INPP5D: variants seen among roughly 807,000 people sequenced by gnomAD.
INPP5D encodes inositol polyphosphate-5-phosphatase D.
INPP5D carries 33 observed loss-of-function variants against 122.9 expected under a neutral mutation model. The ratio of observed to expected loss-of-function variants is 0.27; its 90% CI spans 0.20 to 0.36. INPP5D has a LOEUF of 0.36. INPP5D is among the 10% of genes least tolerant of loss of function. The pLI, the probability that INPP5D is intolerant of heterozygous loss-of-function variation, is 1.00. For missense variants in INPP5D, 1,053 were observed against 1,412.7 expected (o/e 0.75, Z 4.08); for synonymous variants, 584 against 576.2 (o/e 1.01, Z -0.19).
chr2:233,091,973 T>C (rs1692005398), intron 2 of INPP5D, among the ~76,000 whole-genome samples: 1 of 152,118 alleles, frequency 6.6e-6, no homozygotes, highest in Non-Finnish European at 1.5e-5. Flanking sequence ...AAGGAGTAAA[T>C]TTGCAATACA....
Position 233,127,290 on chromosome 2 carries a change from G to A in INPP5D, c.524+1371G>A, listed in dbSNP as rs564093820. 5.9e-5 allele frequency among the ~76,000 whole-genome samples: 9 copies of A among 152,286 alleles called. No individual in the cohort carries two copies. In the East Asian group the frequency reaches 1.5e-3, roughly 26 times the overall value. ...TGGAACCTTCCTAAAACTTCTGTTCGGAGATGGGAATGAGTGAAGGGGGCA... is the reference window on the plus strand; with the variant it reads ...TGGAACCTTCCTAAAACTTCTGTTCAGAGATGGGAATGAGTGAAGGGGGCA... On this transcript the variant is annotated intron_variant, in intron 4 of 26. Transcript: ENST00000445964.
intron 13 of INPP5D, among the ~76,000 whole-genome samples, chr2:233,165,375 T>C (rs950206365): frequency 6.6e-6 from 1 of 152,010 alleles, no homozygotes; most frequent in Non-Finnish European, 1.5e-5. Flanking sequence ...TGTGAGTCCA[T>C]GCATGTGTGT....
intron 2 of INPP5D, among the ~76,000 whole-genome samples, chr2:233,083,367 G>C (rs578097664): frequency 6.6e-6 from 1 of 152,324 alleles, no homozygotes; most frequent in South Asian, 2.1e-4. Flanking sequence ...TCAGGGACCT[G>C]AGTACGCTCT....
chr2:233,121,488 T>C (rs1363704354), intron 2 of INPP5D, among the ~76,000 whole-genome samples: 1 of 147,232 alleles, frequency 6.8e-6, no homozygotes, highest in Non-Finnish European at 1.5e-5. Context: ...ATAATATAAA[T>C]GTACTATTTG....
chr2:233,108,058 C>T (rs1269111951), intron 2 of INPP5D, among the ~76,000 whole-genome samples: 1 of 152,138 alleles, frequency 6.6e-6, no homozygotes, highest in Non-Finnish European at 1.5e-5. Context: ...TCTCAGTCCA[C>T]CATAGCCCCA....
intron 2 of INPP5D, among the ~76,000 whole-genome samples, chr2:233,107,372 G>A (rs1173774408): frequency 6.6e-6 from 1 of 152,176 alleles, no homozygotes; most frequent in African/African-American, 2.4e-5. Context: ...CACAGGGAAT[G>A]TAGACCTCCC....
chr2:233,184,530 C>T lies in INPP5D; in HGVS notation c.2275+9C>T, dbSNP rs770616002. 2 of 1,613,872 alleles carry T rather than the reference C, an allele frequency of 1.2e-6. No individual in the cohort carries two copies. The highest frequency in any genetic ancestry group is 1.7e-5 in the Admixed American group (1 of 60,014). On this transcript the variant is annotated intron_variant, in intron 20 of 26. Coordinates refer to ENST00000445964, the MANE Select transcript of INPP5D (RefSeq NM_001017915.3). ...CTCGAGCTGCTTGGAGAGTAAGTGG[C>T]TGCTGAGCCACCTTCTGGGCAGAAC...
rs1293408545 is a variant in INPP5D at position 233,188,050 on chromosome 2, G to C, written c.2359-1800G>C. Reference sequence around the variant, plus strand: ...CTCAGTCCCCCTGCCCCCTCCCAGGGGGTCCACTCCTCCTGTCTCCTGCCT... The same window carrying C: ...CTCAGTCCCCCTGCCCCCTCCCAGGCGGTCCACTCCTCCTGTCTCCTGCCT... On this transcript the variant is annotated intron_variant, in intron 21 of 26. Coordinates refer to ENST00000445964, the MANE Select transcript of INPP5D (RefSeq NM_001017915.3). The surrounding 1 kb of genome is among the most constrained non-coding windows in gnomAD (Gnocchi z 4.7). Among the ~76,000 whole-genome samples, 2 of 151,896 alleles carry C rather than the reference G, an allele frequency of 1.3e-5. No homozygotes were observed. The highest frequency in any genetic ancestry group is 2.9e-5 in the Non-Finnish European group (2 of 67,938).
intron 5 of INPP5D, chr2:233,131,128 TA>T: frequency 2.0e-6 from 2 of 977,490 alleles, no homozygotes; most frequent in Non-Finnish European, 1.2e-6. Flanking sequence ...ACCAAAACTT[TA>T]ATTTTCTGAT....
chr2:233,069,259 C>T (rs1386670548), intron 1 of INPP5D, among the ~76,000 whole-genome samples: 4 of 152,122 alleles, frequency 2.6e-5, no homozygotes, highest in South Asian at 2.1e-4. Flanking sequence ...GGGACCTCCC[C>T]GGAGCAGAGA....
At position 233,204,537 on chromosome 2, in the gene INPP5D, C is replaced by T. The variant is rs1314103156; in HGVS notation, c.3387C>T (p.Ile1129=). 1 of 1,578,766 alleles carries T rather than the reference C, an allele frequency of 6.3e-7. No homozygotes were observed. Among genetic ancestry groups the T allele is most frequent in the East Asian group, 2.3e-5 (1 of 42,638 alleles). ...KRPIKPSRSE[I]NQQTPPTPTP... ...CCATCAAGCCTTCCAGATCGGAAAT[C>T]AACCAGCAGACCCCGCCCACCCCGA... The change falls in exon 26 of 27, where the codon ATC becomes ATT. Residue 1129 remains isoleucine, a synonymous_variant. Coordinates refer to ENST00000445964, the MANE Select transcript of INPP5D (RefSeq NM_001017915.3).
At chr2:233,094,541 A>AAAAAAAAAAAAAAC (rs1692081928) in intron 2 of INPP5D, among the ~76,000 whole-genome samples, 1 of 146,350 alleles carries the variant, frequency 6.8e-6, no homozygotes. Flanking sequence ...AAAAAAAAAA[A>AAAAAAAAAAAAAAC]ATTCTAAAAT....
rs201032928 is a variant in INPP5D at position 233,204,281 on chromosome 2, G to A, written c.3131G>A (p.Arg1044Gln). The A allele has an allele frequency of 1.4e-4, 230 of 1,613,280 alleles. No individual in the cohort carries two copies. Among genetic ancestry groups the A allele is most frequent in the Admixed American group, 2.5e-4 (15 of 60,002 alleles). ...GACCAGGAATCCCCCAAAATGCCGC[G>A]GAAGGAACCCCCGCCCTGCCCGGAA... ...RKDQESPKMP[R>Q]KEPPPCPEPG... The change falls in exon 26 of 27, where the codon CGG becomes CAG. Residue 1044 changes from arginine (R) to glutamine (Q), a missense_variant. By Grantham distance (43) the Arg-to-Gln change is conservative. Coordinates refer to ENST00000445964, the MANE Select transcript of INPP5D (RefSeq NM_001017915.3).
rs547795957 is a variant in INPP5D, at chr2:233,100,122, C to T, written c.198+20724C>T. 2.0e-5 allele frequency among the ~76,000 whole-genome samples: 3 copies of T among 152,310 alleles called. No individual in the cohort carries two copies. Among genetic ancestry groups the T allele is most frequent in the Admixed American group, 1.3e-4 (2 of 15,298 alleles). The stretch of plus-strand genomic sequence containing the variant: ...TCAAGATGAGATTTGGGTGGGGACA[C>T]AGTCAAACCATATCAGAGTGGAAGC... On this transcript the variant is annotated intron_variant, in intron 2 of 26. Transcript: ENST00000445964. The surrounding 1 kb of genome is among the most constrained non-coding windows in gnomAD (Gnocchi z 5.3).
chr2:233,193,876 C>T lies in INPP5D; in HGVS notation c.2511C>T (p.Leu837=), dbSNP rs201023596. 7.2e-5 allele frequency: 117 copies of T among 1,613,892 alleles called. No homozygotes were observed. In the African/African-American group the frequency reaches 1.4e-3, roughly 20 times the overall value. ...CGCAGCTGCCCATCTACACGCCTCT[C>T]ACCCACCATGGGGAGTTGACAGGCC... ...TETQLPIYTP[L]THHGELTGHF... Residue 837 remains leucine (L), a synonymous_variant, in exon 23 of 27, where the codon CTC becomes CTT. Coordinates refer to ENST00000445964, the MANE Select transcript of INPP5D (RefSeq NM_001017915.3).
At chr2:233,161,606 G>A in intron 10 of INPP5D, 118 bp from the exon 11 acceptor site, 1 of 1,371,662 alleles carries the variant, frequency 7.3e-7, no homozygotes, top group Non-Finnish European at 9.7e-7. Flanking sequence ...TGCTGTCCTG[G>A]AAGTTCACAC....
intron 9 of INPP5D, among the ~76,000 whole-genome samples, chr2:233,147,935 G>A (rs999345114): frequency 1.3e-5 from 2 of 152,256 alleles, no homozygotes; most frequent in Non-Finnish European, 1.5e-5. Flanking sequence ...CTTAGCAGCT[G>A]TGTGACCTGG....
chr2:233,196,014 C>T (rs1325369059), intron 24 of INPP5D, among the ~76,000 whole-genome samples: 1 of 152,110 alleles, frequency 6.6e-6, no homozygotes, highest in Non-Finnish European at 1.5e-5. Context: ...GTCCTAACTA[C>T]TTAGGAGGCT....
chr2:233,095,828 T>C (rs1364633506), intron 2 of INPP5D, among the ~76,000 whole-genome samples: 1 of 152,174 alleles, frequency 6.6e-6, no homozygotes, highest in Non-Finnish European at 1.5e-5. Flanking sequence ...CCTAATGTCC[T>C]GCAAATCCCC....
Sources: allele counts gnomAD v4.1 joint callset (sites outside exome capture counted in the v4.1 genomes callset), GRCh38; gene constraint gnomAD v4.1.1; non-coding constraint Gnocchi (gnomAD v3.1); transcripts MANE v1.5; gene names NCBI Gene and HGNC (gene_info 2026-07-23, HGNC 2026-07-21).